CDYL2: variants seen among roughly 807,000 people sequenced by gnomAD.
The protein encoded by CDYL2 is chromodomain Y like 2.
CDYL2 carries 23 observed loss-of-function variants against 49.4 expected under a neutral mutation model. That is an observed-to-expected ratio of 0.47 (90% confidence interval 0.34 to 0.66). The LOEUF (loss-of-function observed/expected upper bound fraction) is 0.66. Among genes scored for constraint, CDYL2 ranks in the 30% least tolerant of loss-of-function variants. The pLI, the probability that CDYL2 is intolerant of heterozygous loss-of-function variation, is 0.01. For missense variants in CDYL2, 678 were observed against 656.4 expected (o/e 1.03, Z -0.36); for synonymous variants, 360 against 268.8 (o/e 1.34, Z -3.32).
At chr16:80,666,342 T>C (rs1425465746) in intron 2 of CDYL2, among the ~76,000 whole-genome samples, 1 of 152,222 alleles carries the variant, frequency 6.6e-6, no homozygotes, top group Non-Finnish European at 1.5e-5. Flanking sequence ...ACCAATTTCA[T>C]GTCCTATGTT....
intron 2 of CDYL2, among the ~76,000 whole-genome samples, chr16:80,677,249 G>C (rs1389076541): frequency 2.6e-5 from 4 of 152,058 alleles, no homozygotes; most frequent in Admixed American, 6.5e-5. Context: ...GGGATTACAG[G>C]CATGAGCCAC....
intron 1 of CDYL2, among the ~76,000 whole-genome samples, chr16:80,744,446 A>G (rs1400653523): frequency 1.3e-5 from 2 of 152,138 alleles, no homozygotes; most frequent in African/African-American, 2.4e-5. Flanking sequence ...AGCCCTGTTC[A>G]GACCTCCTGA....
chr16:80,622,601 A>G (rs181856157), intron 3 of CDYL2, among the ~76,000 whole-genome samples: 2 of 152,302 alleles, frequency 1.3e-5, no homozygotes, highest in East Asian at 3.9e-4. Flanking sequence ...TGCCTGGGGT[A>G]TGGTGGACAC....
intron 5 of CDYL2, among the ~76,000 whole-genome samples, chr16:80,610,872 T>C (rs1387453646): frequency 6.6e-6 from 1 of 152,142 alleles, no homozygotes; most frequent in East Asian, 1.9e-4. Context: ...ATGCCCCCAG[T>C]GGACCCCGGG....
chr16:80,769,159 C>T (rs1906824278), intron 1 of CDYL2, among the ~76,000 whole-genome samples: 1 of 152,170 alleles, frequency 6.6e-6, no homozygotes, highest in African/African-American at 2.4e-5. Context: ...CTCTACATTT[C>T]ACAAGTAAAT....
chr16:80,684,189 G>A lies in CDYL2; in HGVS notation c.616+349C>T, dbSNP rs747850151. On this transcript the variant is annotated intron_variant, in intron 2 of 6. Coordinates refer to ENST00000570137, the MANE Select transcript of CDYL2 (RefSeq NM_152342.4). ...GGAGGCACTGGCCCGCTGAGGACACGTGTCTTGGGTCCTGGGGGTGAGGAC... is the reference window on the plus strand; with the variant it reads ...GGAGGCACTGGCCCGCTGAGGACACATGTCTTGGGTCCTGGGGGTGAGGAC... 4.6e-5 allele frequency among the ~76,000 whole-genome samples: 7 copies of A among 152,236 alleles called. No homozygotes were observed. The South Asian group carries it at 1.2e-3, about 27-fold the overall frequency.
intron 1 of CDYL2, among the ~76,000 whole-genome samples, chr16:80,764,588 AAAG>A (rs1011979132): frequency 5.0e-4 from 76 of 152,298 alleles, no homozygotes; most frequent in African/African-American, 1.7e-3. Flanking sequence ...ACACCATGGG[AAAG>A]AATATAGAGG....
chr16:80,645,645 A>C (rs1483660969), intron 2 of CDYL2, among the ~76,000 whole-genome samples: 1 of 152,148 alleles, frequency 6.6e-6, no homozygotes, highest in Non-Finnish European at 1.5e-5. Flanking sequence ...GTATATATCC[A>C]AAGGATTATA....
chr16:80,643,018 C>T (rs1908170349), intron 2 of CDYL2, among the ~76,000 whole-genome samples: 1 of 152,148 alleles, frequency 6.6e-6, no homozygotes, highest in Non-Finnish European at 1.5e-5. Flanking sequence ...GTCCACAGTG[C>T]AAAGTCTCAT....
chr16:80,617,263 G>C lies in CDYL2; in HGVS notation c.1007+3500C>G, dbSNP rs140990468. On this transcript the variant is annotated intron_variant, in intron 4 of 6. Coordinates refer to ENST00000570137, the MANE Select transcript of CDYL2 (RefSeq NM_152342.4). The stretch of plus-strand genomic sequence containing the variant: ...GGAGGGGGTGAGAGTACCACTCACG[G>C]GGTGCCAAGGCCATGCGGCATGCCT... Among the ~76,000 whole-genome samples, 725 of 152,316 alleles carry C rather than the reference G, an allele frequency of 4.8e-3. 3 individuals are homozygous for C. Among genetic ancestry groups the C allele is most frequent in the African/African-American group, 0.016 (669 of 41,548 alleles).
At chr16:80,715,495 C>G (rs145220577) in intron 1 of CDYL2, among the ~76,000 whole-genome samples, 1,777 of 152,306 alleles carry the variant, frequency 0.012, 32 homozygotes, top group African/African-American at 0.041. Flanking sequence ...TACAGACACT[C>G]ATGGTTCTCC....
chr16:80,697,922 A>T (rs1430230238), intron 1 of CDYL2, among the ~76,000 whole-genome samples: 1 of 152,186 alleles, frequency 6.6e-6, no homozygotes, highest in Non-Finnish European at 1.5e-5. Flanking sequence ...ATGGAAATAC[A>T]TCCCATGTTC....
intron 2 of CDYL2, among the ~76,000 whole-genome samples, chr16:80,639,163 C>A (rs142884373): frequency 6.6e-6 from 1 of 152,188 alleles, no homozygotes; most frequent in African/African-American, 2.4e-5. Flanking sequence ...TACCACTACA[C>A]ACATTAGACT....
At chr16:80,662,745 C>A in intron 2 of CDYL2, 3 of 455,774 alleles carry the variant, frequency 6.6e-6, no homozygotes, top group Non-Finnish European at 1.3e-5. Context: ...TAACTCTAAC[C>A]ACCTGTGGCT....
intron 1 of CDYL2, among the ~76,000 whole-genome samples, chr16:80,769,523 T>C (rs1259835400): frequency 2.6e-5 from 4 of 152,334 alleles, no homozygotes; most frequent in African/African-American, 9.6e-5. Flanking sequence ...GGTTAGAGAA[T>C]GGACCCTGCA....
intron 1 of CDYL2, among the ~76,000 whole-genome samples, chr16:80,789,776 T>C (rs1275821668): frequency 6.6e-6 from 1 of 152,130 alleles, no homozygotes; most frequent in Non-Finnish European, 1.5e-5. Flanking sequence ...TGGATAGAGC[T>C]GAAGGCCATT....
At chr16:80,674,723 G>C (rs1277619933) in intron 2 of CDYL2, among the ~76,000 whole-genome samples, 2 of 152,190 alleles carry the variant, frequency 1.3e-5, no homozygotes, top group Non-Finnish European at 2.9e-5. Context: ...ATGTGGTTTT[G>C]AGGTTCATCC....
At chr16:80,610,722 C>T (rs1480908856) in intron 5 of CDYL2, among the ~76,000 whole-genome samples, 1 of 152,192 alleles carries the variant, frequency 6.6e-6, no homozygotes, top group Non-Finnish European at 1.5e-5. Context: ...ATGACAGCAC[C>T]AAGCTCCCAG....
rs1905938808 is a variant in CDYL2, at chr16:80,598,553, C to T, written c.*5835G>A. 6.6e-6 allele frequency: 1 copy of T among 152,060 alleles called. No individual in the cohort carries two copies. 9.4% of individuals were successfully genotyped at this position (152,060 alleles called of 1,614,324 possible). A position where few individuals can be genotyped will look rare whatever the true frequency, so the allele number is the denominator to read the frequency against. On this transcript the variant is annotated 3_prime_UTR_variant, in exon 7 of 7. Coordinates refer to ENST00000570137, the MANE Select transcript of CDYL2 (RefSeq NM_152342.4). The stretch of plus-strand genomic sequence containing the variant: ...GCAGACATTTGGAAAGTGCAGGATC[C>T]TACTGTTCAGTATAGACATGTCTGA...
Sources: gnomAD v4.1 joint callset for allele counts (sites outside exome capture counted in the v4.1 genomes callset) on GRCh38, gnomAD v4.1.1 for gene constraint, MANE v1.5 for transcripts, NCBI Gene and HGNC (gene_info 2026-07-23, HGNC 2026-07-21) for gene names.